The following MAD1L1 variants were observed in gnomAD, a reference collection of about 807,000 sequenced individuals.
MAD1L1 encodes the protein mitotic spindle assembly checkpoint protein MAD1.
MAD1L1 carries 95 observed loss-of-function variants against 96.9 expected under a neutral mutation model. The observed-to-expected ratio is 0.98, with a 90% CI of 0.83 to 1.16. The LOEUF is 1.16. MAD1L1 is among the 50% of genes most tolerant of loss of function. The pLI, the probability that MAD1L1 is intolerant of heterozygous loss-of-function variation, is 0.00. For missense variants in MAD1L1, 1,007 were observed against 954.4 expected, an observed-to-expected ratio of 1.06 and a Z score of -0.73; for synonymous variants, 473 against 396.6, an observed-to-expected ratio of 1.19 and a Z score of -2.29.
Position 1,881,277 on chromosome 7 carries a change from A to G in MAD1L1, c.1998+16923T>C, listed in dbSNP as rs1472166162. 3.9e-5 allele frequency among the ~76,000 whole-genome samples: 6 copies of G among 152,282 alleles called. No individual in the cohort carries two copies. The East Asian group carries it at 9.6e-4, about 24-fold the overall frequency. On this transcript the variant is annotated intron_variant, in intron 18 of 18. Transcript: ENST00000265854. ...ACCCATTTATGCCTAGTGTTCCATT[A>G]TTGGAACACTAAGCTTGTGGGAGTT...
intron 12 of MAD1L1, among the ~76,000 whole-genome samples, chr7:2,068,989 C>T (rs966104321): frequency 2.6e-5 from 4 of 152,196 alleles, no homozygotes; most frequent in Non-Finnish European, 5.9e-5. Flanking sequence ...GGGTGGGGCA[C>T]GCAGCAGGCC....
chr7:1,883,484 A>G (rs57388909), intron 18 of MAD1L1, among the ~76,000 whole-genome samples: 1 of 152,122 alleles, frequency 6.6e-6, no homozygotes, highest in African/African-American at 2.4e-5. Flanking sequence ...TTTCCATGGG[A>G]ATCAGCCCAG....
At chr7:2,214,080 C>T (rs928289081) in intron 9 of MAD1L1, among the ~76,000 whole-genome samples, 6 of 152,370 alleles carry the variant, frequency 3.9e-5, no homozygotes, top group African/African-American at 1.2e-4. Flanking sequence ...ATTCGCTACG[C>T]GCCAGGCACT....
intron 15 of MAD1L1, among the ~76,000 whole-genome samples, chr7:1,976,674 C>G (rs1394267322): frequency 6.6e-6 from 1 of 152,240 alleles, no homozygotes; most frequent in Non-Finnish European, 1.5e-5. Flanking sequence ...TCCACCCACT[C>G]CTGCTGATTG....
At chr7:1,830,956 C>T (rs11978270) in intron 18 of MAD1L1, among the ~76,000 whole-genome samples, 95,512 of 141,190 alleles carry the variant, frequency 0.68, 29,154 homozygotes, top group Middle Eastern at 0.76. Flanking sequence ...ATGTCAGATT[C>T]TATGCATATT....
At chr7:2,231,979 T>G (rs1041189749) in intron 1 of MAD1L1, among the ~76,000 whole-genome samples, 2 of 152,128 alleles carry the variant, frequency 1.3e-5, no homozygotes, top group Non-Finnish European at 2.9e-5. Context: ...GGTGGTGAAT[T>G]AGGTCTTTTT....
At chr7:2,225,950 A>T (rs1793871519) in intron 3 of MAD1L1, among the ~76,000 whole-genome samples, 1 of 152,134 alleles carries the variant, frequency 6.6e-6, no homozygotes, top group South Asian at 2.1e-4. Context: ...AGAGATGGAG[A>T]ATGAGGTCTC....
chr7:1,871,071 C>A lies in MAD1L1; in HGVS notation c.1998+27129G>T, dbSNP rs536280461. On this transcript the variant is annotated intron_variant, in intron 18 of 18. Transcript: ENST00000265854. ...TGAACCTACCGTAACACCTGCCATG[C>A]TGAACCCAACATACACCTGCCACGC... 6.6e-4 allele frequency among the ~76,000 whole-genome samples: 97 copies of A among 146,198 alleles called. 5 individuals are homozygous for A. Among genetic ancestry groups the A allele is most frequent in the African/African-American group, 2.0e-3 (77 of 38,930 alleles).
rs563997726 is a variant in MAD1L1, at chr7:2,115,793, C to T, written c.1073+33359G>A. ...CCGCGCATGACCTGCATGGAGCGCT[C>T]GGAGCAGAGGGAACGCACTGAGGTG... On this transcript the variant is annotated intron_variant, in intron 11 of 18. Coordinates refer to ENST00000265854, the MANE Select transcript of MAD1L1 (RefSeq NM_001013836.2). 7.2e-5 allele frequency among the ~76,000 whole-genome samples: 11 copies of T among 152,364 alleles called. No homozygotes were observed. In the South Asian group the frequency reaches 1.7e-3, roughly 23 times the overall value.
At chr7:1,925,866 T>C (rs1789058657) in intron 17 of MAD1L1, among the ~76,000 whole-genome samples, 1 of 151,976 alleles carries the variant, frequency 6.6e-6, no homozygotes, top group Non-Finnish European at 1.5e-5. Context: ...ATCTTCCACC[T>C]GAAGAGGCCA....
intron 17 of MAD1L1, among the ~76,000 whole-genome samples, chr7:1,904,698 A>G (rs1787509994): frequency 1.5e-5 from 2 of 130,582 alleles, no homozygotes; most frequent in Admixed American, 1.4e-4. Flanking sequence ...GCGAGGACGC[A>G]GTGGCCTATG....
intron 14 of MAD1L1, among the ~76,000 whole-genome samples, chr7:1,981,081 C>T (rs1434784711): frequency 6.6e-6 from 1 of 152,216 alleles, no homozygotes; most frequent in Non-Finnish European, 1.5e-5. Context: ...ATTCTTCTGC[C>T]TCAGCCTCCT....
rs187740128 is a variant in MAD1L1, at chr7:2,014,427, G to A, written c.1359+75C>T. 8.3e-4 allele frequency: 1,221 copies of A among 1,474,938 alleles called. 9 individuals carry two copies. The African/African-American group carries it at 0.015, about 18-fold the overall frequency. 91.4% of individuals were successfully genotyped at this position (1,474,938 alleles called of 1,614,324 possible). On this transcript the variant is annotated intron_variant, in intron 13 of 18. Transcript: ENST00000265854. Reference sequence around the variant, plus strand: ...GCGGGGTCCAGACCTCCACCTCCCCGCCGCAGGCTCTGCCAAGGCCCACCG... The same window carrying A: ...GCGGGGTCCAGACCTCCACCTCCCCACCGCAGGCTCTGCCAAGGCCCACCG...
chr7:2,158,976 C>G (rs1789970680), intron 10 of MAD1L1, among the ~76,000 whole-genome samples: 1 of 152,340 alleles, frequency 6.6e-6, no homozygotes, highest in South Asian at 2.1e-4. Flanking sequence ...GCACCAGTCC[C>G]TCTCACCAAG....
chr7:2,164,605 G>T (rs887756963), intron 10 of MAD1L1, among the ~76,000 whole-genome samples: 6 of 143,184 alleles, frequency 4.2e-5, no homozygotes, highest in African/African-American at 1.3e-4. Context: ...GGGGGGGGGG[G>T]GGTTGCGGGT....
chr7:1,851,217 G>A (rs780387347), intron 18 of MAD1L1, among the ~76,000 whole-genome samples: 7 of 152,102 alleles, frequency 4.6e-5, no homozygotes, highest in Non-Finnish European at 1.0e-4. Flanking sequence ...GCCCGGCCTC[G>A]GCCGGCACAG....
At chr7:2,184,863 G>A (rs757821778) in intron 10 of MAD1L1, among the ~76,000 whole-genome samples, 37 of 152,198 alleles carry the variant, frequency 2.4e-4, no homozygotes, top group Non-Finnish European at 4.3e-4. Flanking sequence ...TTAGCCAGGC[G>A]TGATAGCGCA....
chr7:1,936,030 C>A (rs1778577658), intron 17 of MAD1L1, among the ~76,000 whole-genome samples: 1 of 152,226 alleles, frequency 6.6e-6, no homozygotes, highest in Admixed American at 6.5e-5. Context: ...CTCCTGAGCC[C>A]CACAGCCTCG....
At chr7:2,163,146 C>CAACAGGCACA (rs1277429664) in intron 10 of MAD1L1, among the ~76,000 whole-genome samples, 4 of 152,154 alleles carry the variant, frequency 2.6e-5, no homozygotes, top group African/African-American at 9.7e-5. Context: ...CAATGACGTG[C>CAACAGGCACA]AACAGGCACA....
Sources: allele counts gnomAD v4.1 joint callset (sites outside exome capture counted in the v4.1 genomes callset), GRCh38; gene constraint gnomAD v4.1.1; transcripts MANE v1.5; gene names NCBI Gene and HGNC (gene_info 2026-07-23, HGNC 2026-07-21).